ERBB4: variants seen among roughly 807,000 people sequenced by gnomAD.
ERBB4 encodes erb-b2 receptor tyrosine kinase 4.
ERBB4 carries 42 observed loss-of-function variants against 158.0 expected under a neutral mutation model. The observed-to-expected ratio is 0.27, with a 90% CI of 0.21 to 0.34. ERBB4 has a LOEUF of 0.34. Ranked by LOEUF, ERBB4 falls within the 10% of genes least tolerant of loss-of-function variation. The pLI is 1.00. For missense variants in ERBB4, 1,333 were observed against 1,624.1 expected, an observed-to-expected ratio of 0.82 and a Z score of 3.08; for synonymous variants, 583 against 558.7, an observed-to-expected ratio of 1.04 and a Z score of -0.61.
chr2:212,316,361 A>G (rs1359050028), intron 1 of ERBB4, among the ~76,000 whole-genome samples: 1 of 151,454 alleles, frequency 6.6e-6, no homozygotes, highest in Non-Finnish European at 1.5e-5. Flanking sequence ...TCACTTGACA[A>G]TTGAGCATTA....
rs151158622 is a variant in ERBB4, at chr2:212,216,288, C to T, written c.83-91385G>A. Among the ~76,000 whole-genome samples the T allele has an allele frequency of 7.9e-5, 12 of 151,260 alleles. No individual in the cohort carries two copies. In the East Asian group the frequency reaches 1.2e-3, roughly 15 times the overall value. ...AGTATTCACTTCCTATTTATGCATA[C>T]GAATGTGTGTGAAAGATGTAAAAAA... On this transcript the variant is annotated intron_variant, in intron 1 of 27. Transcript: ENST00000342788.
At chr2:211,902,870 A>G (rs2079274715) in intron 3 of ERBB4, among the ~76,000 whole-genome samples, 1 of 151,986 alleles carries the variant, frequency 6.6e-6, no homozygotes, top group Non-Finnish European at 1.5e-5. Context: ...ATATTTAAAA[A>G]CAACTCAGAA....
At chr2:211,767,599 C>T (rs547921078) in intron 4 of ERBB4, among the ~76,000 whole-genome samples, 70 of 152,122 alleles carry the variant, frequency 4.6e-4, no homozygotes, top group Non-Finnish European at 2.6e-4. Context: ...ACAGTCATGG[C>T]GGAAGGGGAA....
At chr2:212,030,587 AAG>A (rs1379689661) in intron 2 of ERBB4, among the ~76,000 whole-genome samples, 2 of 152,120 alleles carry the variant, frequency 1.3e-5, no homozygotes, top group East Asian at 3.9e-4. Flanking sequence ...AGAAAAATGT[AAG>A]AGAGATGAGA....
intron 3 of ERBB4, among the ~76,000 whole-genome samples, chr2:211,875,050 A>AAAAAATAAAAAAAAAC (rs66500425): frequency 2.6e-5 from 2 of 75,872 alleles, no homozygotes; most frequent in Non-Finnish European, 5.2e-5. Flanking sequence ...AAAAAAAAAA[A>AAAAAATAAAAAAAAAC]CAAACTCAAA....
intron 1 of ERBB4, among the ~76,000 whole-genome samples, chr2:212,210,009 G>A (rs1234497869): frequency 6.6e-6 from 1 of 151,966 alleles, no homozygotes; most frequent in Non-Finnish European, 1.5e-5. Flanking sequence ...AGTCAGCATG[G>A]AAAAGATAAC....
At chr2:211,471,178 A>G (rs1017752797) in intron 20 of ERBB4, among the ~76,000 whole-genome samples, 3 of 152,066 alleles carry the variant, frequency 2.0e-5, no homozygotes, top group African/African-American at 7.2e-5. Context: ...GAGATGAGAC[A>G]ATGAGGCTGA....
rs10185911 is a variant in ERBB4 at position 211,978,030 on chromosome 2, G to A, written c.235-30414C>T. On this transcript the variant is annotated intron_variant, in intron 2 of 27. Transcript: ENST00000342788. The stretch of plus-strand genomic sequence containing the variant: ...TAAATATTCATCTTGCTGCATCCTA[G>A]ATGTATAATAATTCTCTTCACCTAT... 2.7e-5 allele frequency among the ~76,000 whole-genome samples: 4 copies of A among 150,000 alleles called. No homozygotes were observed. In the Admixed American group the frequency reaches 2.7e-4, roughly 10 times the overall value.
intron 20 of ERBB4, among the ~76,000 whole-genome samples, chr2:211,466,704 T>C (rs2064699583): frequency 6.6e-6 from 1 of 152,162 alleles, no homozygotes; most frequent in Non-Finnish European, 1.5e-5. Flanking sequence ...AAAAGTGCTA[T>C]GGTTTACAGA....
chr2:212,038,257 T>C (rs1202740380), intron 2 of ERBB4, among the ~76,000 whole-genome samples: 1 of 152,006 alleles, frequency 6.6e-6, no homozygotes, highest in Non-Finnish European at 1.5e-5. Context: ...TATTAGTCTC[T>C]TTATTTATAT....
At chr2:211,980,695 T>C (rs2125229250) in intron 2 of ERBB4, among the ~76,000 whole-genome samples, 1 of 152,174 alleles carries the variant, frequency 6.6e-6, no homozygotes, top group South Asian at 2.1e-4. Flanking sequence ...TCTTAAACAT[T>C]CCCAGAAAAA....
At chr2:212,086,629 C>A (rs948754963) in intron 2 of ERBB4, among the ~76,000 whole-genome samples, 1 of 151,678 alleles carries the variant, frequency 6.6e-6, no homozygotes, top group Non-Finnish European at 1.5e-5. Context: ...TGATATGGAA[C>A]CAAAAATAAG....
chr2:211,628,494 T>C (rs1284787081), intron 17 of ERBB4, among the ~76,000 whole-genome samples: 5 of 152,218 alleles, frequency 3.3e-5, no homozygotes, highest in Non-Finnish European at 7.3e-5. Flanking sequence ...ACAAAGAACA[T>C]GAACTCATCA....
In ERBB4 at chr2:211,871,504, C is replaced by T. The variant is rs537524692; in HGVS notation, c.421+75926G>A. Among the ~76,000 whole-genome samples the T allele has an allele frequency of 7.4e-5, 11 of 147,980 alleles. No individual in the cohort carries two copies. The East Asian group carries it at 2.2e-3, about 29-fold the overall frequency. On this transcript the variant is annotated intron_variant, in intron 3 of 27. Coordinates refer to ENST00000342788, the MANE Select transcript of ERBB4 (RefSeq NM_005235.3). ...CCAAAAGCAGTGAGCAGTGCTTTGG[C>T]ATTAAAAAAAAAAAAAACCCTCTAG...
intron 2 of ERBB4, among the ~76,000 whole-genome samples, chr2:212,024,872 G>C (rs1287204842): frequency 1.3e-5 from 2 of 151,734 alleles, no homozygotes; most frequent in Non-Finnish European, 2.9e-5. Flanking sequence ...AGTAACCAAG[G>C]ACCTTGGATT....
At chr2:212,234,446 T>C (rs1017100485) in intron 1 of ERBB4, among the ~76,000 whole-genome samples, 5 of 152,226 alleles carry the variant, frequency 3.3e-5, no homozygotes, top group Admixed American at 6.5e-5. Flanking sequence ...TAAACATATA[T>C]GTGCATGTGT....
At chr2:211,453,951 T>C (rs2064315780) in intron 20 of ERBB4, among the ~76,000 whole-genome samples, 1 of 152,192 alleles carries the variant, frequency 6.6e-6, no homozygotes, top group East Asian at 1.9e-4. Flanking sequence ...ACTGTATATA[T>C]TGTCATAAAT....
intron 1 of ERBB4, among the ~76,000 whole-genome samples, chr2:212,390,760 T>C (rs930321996): frequency 6.6e-6 from 1 of 151,784 alleles, no homozygotes; most frequent in Non-Finnish European, 1.5e-5. Flanking sequence ...CTTCCACAAG[T>C]CTTTTTATTT....
chr2:211,641,571 C>T (rs2070593095), intron 16 of ERBB4, among the ~76,000 whole-genome samples: 1 of 152,046 alleles, frequency 6.6e-6, no homozygotes, highest in Non-Finnish European at 1.5e-5. Context: ...TAAAATTTGA[C>T]ATTAAATATT....
Sources: allele counts gnomAD v4.1 joint callset (sites outside exome capture counted in the v4.1 genomes callset), GRCh38; gene constraint gnomAD v4.1.1; transcripts MANE v1.5; gene names NCBI Gene and HGNC (gene_info 2026-07-23, HGNC 2026-07-21).